Variants in OTULINL observed in about 807,000 individuals in gnomAD.
The protein encoded by OTULINL is OTU deubiquitinase with linear linkage specificity like.
Under a neutral mutation model 43.9 loss-of-function variants are expected in OTULINL, and 42 were observed. The ratio of observed to expected loss-of-function variants is 0.96; its 90% CI spans 0.75 to 1.24. The LOEUF (loss-of-function observed/expected upper bound fraction) is 1.24, where lower values mean the gene tolerates loss of function less well. OTULINL is among the 50% of genes most tolerant of loss of function. OTULINL has a pLI of 0.00. For missense variants in OTULINL, 411 were observed against 426.4 expected, an observed-to-expected ratio of 0.96 and a Z score of 0.32; for synonymous variants, 172 against 153.6, an observed-to-expected ratio of 1.12 and a Z score of -0.88.
chr5:14,610,262 A>G lies in OTULINL; in HGVS notation c.1019A>G (p.Glu340Gly). 2.5e-6 allele frequency: 4 copies of G among 1,613,826 alleles called. No individual in the cohort carries two copies. Among genetic ancestry groups the G allele is most frequent in the Non-Finnish European group, 3.4e-6 (4 of 1,180,028 alleles). ...YPEEPLRDWPEISLLTENDRH... is the reference protein window; with the variant it reads ...YPEEPLRDWPGISLLTENDRH... The stretch of plus-strand genomic sequence containing the variant: ...GAGGAGCCTCTCAGGGACTGGCCGG[A>G]GATCTCCCTGCTGACCGAGAACGAC... Residue 340 changes from glutamate to glycine, a missense_variant, in exon 8 of 8, where the codon GAG becomes GGG. Physicochemically the swap from Glu to Gly is moderately conservative, Grantham distance 98 (BLOSUM62 -2). Coordinates refer to ENST00000274217, the MANE Select transcript of OTULINL (RefSeq NM_019018.3).
At chr5:14,584,249 C>G (rs1759067140) in intron 1 of OTULINL, among the ~76,000 whole-genome samples, 1 of 152,164 alleles carries the variant, frequency 6.6e-6, no homozygotes, top group African/African-American at 2.4e-5. Context: ...TGGCTCAGCT[C>G]TGCTGTGGTT....
Position 14,608,815 on chromosome 5 carries a change from A to T in OTULINL, c.695A>T (p.Asp232Val), listed in dbSNP as rs749475791. 1 of 1,613,482 alleles carries T rather than the reference A, an allele frequency of 6.2e-7. No homozygotes were observed. The highest frequency in any genetic ancestry group is 8.5e-7 in the Non-Finnish European group (1 of 1,179,604). The change falls in exon 7 of 8, where the codon GAT (aspartate) becomes GTT (valine). Residue 232 changes from aspartate (D) to valine (V), a missense_variant. Transcript: ENST00000274217. Reference sequence around the variant, plus strand: ...AGTATGTGCAACACCCTTTTTTCAGATGCCATTCTGGAATATAAACTTTAT... The same window carrying T: ...AGTATGTGCAACACCCTTTTTTCAGTTGCCATTCTGGAATATAAACTTTAT... ...RGSMCNTLFS[D>V]AILEYKLYEA...
At chr5:14,605,204 C>T (rs529378085) in intron 5 of OTULINL, among the ~76,000 whole-genome samples, 57 of 152,350 alleles carry the variant, frequency 3.7e-4, no homozygotes, top group African/African-American at 1.2e-3. Flanking sequence ...CCCAACACCA[C>T]GTGGAAGCTG....
rs534170515 is a variant in OTULINL, at chr5:14,609,685, C to T, written c.898-456C>T. ...TCGTTCTGTCGCCCAGGCGGGAGTG[C>T]TGTGGCGCGATCTCCGCTCACTGCA... On this transcript the variant is annotated intron_variant, in intron 7 of 7. Transcript: ENST00000274217. 3.5e-5 allele frequency among the ~76,000 whole-genome samples: 5 copies of T among 142,644 alleles called. No homozygotes were observed. The South Asian group carries it at 1.1e-3, about 31-fold the overall frequency. 93.6% of individuals were successfully genotyped at this position (142,644 alleles called of 152,430 possible). A position where few individuals can be genotyped will look rare whatever the true frequency, so the allele number is the denominator to read the frequency against.
intron 1 of OTULINL, among the ~76,000 whole-genome samples, chr5:14,586,917 G>C (rs73752130): frequency 0.06 from 9,162 of 151,614 alleles, 948 homozygotes; most frequent in African/African-American, 0.21. Context: ...CTGTACCCAC[G>C]ACAGTGGAGA....
rs1038016695 is a variant in OTULINL, at chr5:14,611,616, T to C, written c.*1302T>C. 2.0e-5 allele frequency: 3 copies of C among 152,204 alleles called. No homozygotes were observed. The highest frequency in any genetic ancestry group is 7.2e-5 in the African/African-American group (3 of 41,442). 9.4% of individuals were successfully genotyped at this position (152,204 alleles called of 1,614,324 possible). On this transcript the variant is annotated 3_prime_UTR_variant, in exon 8 of 8. Transcript: ENST00000274217. The stretch of plus-strand genomic sequence containing the variant: ...TGTGTTTAAGCCACTAAGTTTGTGG[T>C]AATGTGTTGTAGCAACAGAAAACTA...
In OTULINL at chr5:14,608,747, GTGGAC is replaced by G; in HGVS notation, c.630_634del (p.Trp210Ter). ...AATTTCACTTTTACATCTGTTTTTA[GTGGAC>G]TGAATTTAATGGCATTAGAGATTAT... On this transcript the variant is annotated frameshift_variant and splice_region_variant, in exon 7 of 8. Coordinates refer to ENST00000274217, the MANE Select transcript of OTULINL (RefSeq NM_019018.3). LOFTEE classifies it high-confidence loss of function. 1.3e-6 allele frequency: 2 copies of G among 1,594,918 alleles called. No individual in the cohort carries two copies. Among genetic ancestry groups the G allele is most frequent in the Non-Finnish European group, 1.7e-6 (2 of 1,166,674 alleles).
At chr5:14,601,486 G>A in intron 4 of OTULINL, 44 bp downstream of exon 4, 2 of 1,520,296 alleles carry the variant, frequency 1.3e-6, no homozygotes, top group Non-Finnish European at 1.8e-6. Flanking sequence ...GAGTTTGTCT[G>A]TCAAAATCAG....
intron 1 of OTULINL, among the ~76,000 whole-genome samples, chr5:14,594,928 C>G (rs780451482): frequency 6.6e-6 from 1 of 152,070 alleles, no homozygotes; most frequent in African/African-American, 2.4e-5. Flanking sequence ...CCTATTCCAT[C>G]AGCCTCTCTT....
At chr5:14,589,295 TGAGCTGA>T (rs762859081) in intron 1 of OTULINL, among the ~76,000 whole-genome samples, 18 of 152,150 alleles carry the variant, frequency 1.2e-4, no homozygotes, top group Non-Finnish European at 2.2e-4. Context: ...AAGTGATGTT[TGAGCTGA>T]GAGCTGGAGA....
chr5:14,604,588 G>C (rs1192817159), intron 5 of OTULINL, among the ~76,000 whole-genome samples: 1 of 152,198 alleles, frequency 6.6e-6, no homozygotes, highest in Non-Finnish European at 1.5e-5. Flanking sequence ...GAAATGTCAT[G>C]TTGACAATAA....
chr5:14,610,383 G>C lies in OTULINL; in HGVS notation c.*69G>C, dbSNP rs1229900482. The C allele has an allele frequency of 7.3e-6, 11 of 1,515,910 alleles. No homozygotes were observed. The highest frequency in any genetic ancestry group is 9.0e-6 in the Non-Finnish European group (10 of 1,107,634). The allele number at this position is 1,515,910 out of a possible 1,614,324, so 93.9% of individuals were successfully genotyped here. On this transcript the variant is annotated 3_prime_UTR_variant, in exon 8 of 8. Coordinates refer to ENST00000274217, the MANE Select transcript of OTULINL (RefSeq NM_019018.3). ...CACAGTTGCAATAAAGTCTCTCTCT[G>C]AAACCAAAGCTAGCATTTCAGCATG...
At chr5:14,603,336 A>G (rs1202593751) in intron 5 of OTULINL, among the ~76,000 whole-genome samples, 1 of 152,246 alleles carries the variant, frequency 6.6e-6, no homozygotes, top group Admixed American at 6.5e-5. Context: ...TGAGGGGATA[A>G]GTAGCTAGGA....
At chr5:14,607,641 G>A (rs1181616760) in intron 6 of OTULINL, among the ~76,000 whole-genome samples, 183 bp downstream of exon 6, 1 of 152,202 alleles carries the variant, frequency 6.6e-6, no homozygotes, top group African/African-American at 2.4e-5. Context: ...AAGTGAATGA[G>A]AGCAACATTG....
In OTULINL at chr5:14,581,837, TGACA is replaced by T. The variant is rs1759002539; in HGVS notation, c.-54_-51del. 3.1e-6 allele frequency: 4 copies of T among 1,305,254 alleles called. No individual in the cohort carries two copies. Among genetic ancestry groups the T allele is most frequent in the Admixed American group, 8.1e-5 (2 of 24,582 alleles). 80.9% of individuals were successfully genotyped at this position (1,305,254 alleles called of 1,614,324 possible). On this transcript the variant is annotated 5_prime_UTR_variant, in exon 1 of 8. Transcript: ENST00000274217. ...GGCGCCGGCGGGCGGCCGTCGCGTC[TGACA>T]GACCACTGCAGACCACGGGCCGAGG... is the stretch of plus-strand genomic sequence containing the variant.
chr5:14,592,155 C>A (rs1225997874), intron 1 of OTULINL, among the ~76,000 whole-genome samples: 2 of 152,154 alleles, frequency 1.3e-5, no homozygotes, highest in Non-Finnish European at 2.9e-5. Context: ...TTGTTGAATT[C>A]TGTCCTGGGG....
In OTULINL at chr5:14,610,173, A is replaced by G; in HGVS notation, c.930A>G (p.Glu310=). The part of the protein sequence containing the change: ...IDMFILGYSL[E]VKIKVFRLFK... ...TGTTTATACTTGGATACTCCCTTGA[A>G]GTAAAGATAAAAGTGTTCAGACTGT... Residue 310 remains glutamate (E), a synonymous_variant, in exon 8 of 8, where the codon GAA becomes GAG. Transcript: ENST00000274217. The G allele has an allele frequency of 6.2e-7, 1 of 1,614,102 alleles. No homozygotes were observed. The highest frequency in any genetic ancestry group is 8.5e-7 in the Non-Finnish European group (1 of 1,179,950).
At chr5:14,591,870 G>A (rs551485677) in intron 1 of OTULINL, among the ~76,000 whole-genome samples, 32 of 152,254 alleles carry the variant, frequency 2.1e-4, no homozygotes, top group African/African-American at 7.7e-4. Flanking sequence ...TATGACCTCA[G>A]AGTGGTTTTT....
intron 1 of OTULINL, among the ~76,000 whole-genome samples, chr5:14,585,076 C>T (rs1048245326): frequency 4.6e-5 from 7 of 152,130 alleles, no homozygotes; most frequent in African/African-American, 1.2e-4. Flanking sequence ...TGCTGAGAAT[C>T]GTGACCTTAT....
Sources: gnomAD v4.1 joint callset for allele counts (sites outside exome capture counted in the v4.1 genomes callset) on GRCh38, gnomAD v4.1.1 for gene constraint, MANE v1.5 for transcripts, NCBI Gene and HGNC (gene_info 2026-07-23, HGNC 2026-07-21) for gene names.